KLHL1: variants seen among roughly 807,000 people sequenced by gnomAD.
KLHL1 encodes kelch-like protein 1.
A neutral mutation model predicts 77.7 loss-of-function variants in KLHL1; 47 were observed. That is an observed-to-expected ratio of 0.60 (90% CI 0.48 to 0.77). The LOEUF (loss-of-function observed/expected upper bound fraction) is 0.77. KLHL1 is among the 30% of genes least tolerant of loss of function. The probability of loss-of-function intolerance (pLI) is 0.00; values close to 1 mark genes in which losing one functional copy is unlikely to be tolerated. For missense variants in KLHL1, 925 were observed against 910.8 expected (o/e 1.02, Z -0.20); for synonymous variants, 360 against 325.2 (o/e 1.11, Z -1.15).
chr13:70,017,670 G>A (rs552909104), intron 1 of KLHL1, among the ~76,000 whole-genome samples: 1 of 152,314 alleles, frequency 6.6e-6, no homozygotes, highest in South Asian at 2.1e-4. Flanking sequence ...GACCGAAGGT[G>A]CATACACATA....
intron 7 of KLHL1, among the ~76,000 whole-genome samples, chr13:69,748,350 G>T (rs1003714009): frequency 1.1e-4 from 17 of 152,026 alleles, no homozygotes; most frequent in Admixed American, 1.1e-3. Context: ...GGAGGCCTCA[G>T]AATCATGGCA....
intron 1 of KLHL1, among the ~76,000 whole-genome samples, chr13:70,017,931 G>A (rs915345380): frequency 3.3e-5 from 5 of 152,094 alleles, no homozygotes; most frequent in Non-Finnish European, 5.9e-5. Flanking sequence ...ATTTAAATAA[G>A]AGTGTAATTT....
At chr13:70,028,820 T>C (rs1886019584) in intron 1 of KLHL1, among the ~76,000 whole-genome samples, 1 of 151,694 alleles carries the variant, frequency 6.6e-6, no homozygotes, top group Admixed American at 6.6e-5. Flanking sequence ...CTACAGAAAA[T>C]ACAAAAATTA....
intron 2 of KLHL1, among the ~76,000 whole-genome samples, chr13:69,974,397 CTAAA>C (rs1010439177): frequency 6.6e-6 from 1 of 151,132 alleles, no homozygotes; most frequent in African/African-American, 2.4e-5. Flanking sequence ...ATTTGCATAA[CTAAA>C]TAATTTAGAA....
At chr13:69,825,582 A>T (rs1038979432) in intron 6 of KLHL1, among the ~76,000 whole-genome samples, 11 of 152,204 alleles carry the variant, frequency 7.2e-5, no homozygotes, top group African/African-American at 2.7e-4. Flanking sequence ...ATGATAAATT[A>T]ATTTTATAGT....
chr13:70,063,935 A>C (rs1480718223), intron 1 of KLHL1, among the ~76,000 whole-genome samples: 1 of 152,052 alleles, frequency 6.6e-6, no homozygotes, highest in African/African-American at 2.4e-5. Flanking sequence ...AGTCATTTTT[A>C]AACTCTGCAG....
intron 5 of KLHL1, among the ~76,000 whole-genome samples, chr13:69,866,004 T>C (rs538738970): frequency 6.6e-6 from 1 of 152,264 alleles, no homozygotes; most frequent in African/African-American, 2.4e-5. Context: ...AAAAATTCCA[T>C]CTTTTATTTT....
At chr13:69,912,592 C>T (rs1244502340) in intron 4 of KLHL1, among the ~76,000 whole-genome samples, 3 of 151,940 alleles carry the variant, frequency 2.0e-5, no homozygotes, top group Non-Finnish European at 2.9e-5. Flanking sequence ...ACTGATTTCC[C>T]CACATTATTT....
chr13:69,874,590 G>A (rs1880699200), intron 5 of KLHL1, among the ~76,000 whole-genome samples: 1 of 152,024 alleles, frequency 6.6e-6, no homozygotes, highest in South Asian at 2.1e-4. Flanking sequence ...CTATATTAAT[G>A]TCATCATTTT....
chr13:69,924,216 T>G, intron 4 of KLHL1, among the ~76,000 whole-genome samples: 1 of 152,228 alleles, frequency 6.6e-6, no homozygotes, highest in East Asian at 1.9e-4. Flanking sequence ...GCAGACAGGC[T>G]TTTGTGTGGA....
At chr13:69,770,127 G>T (rs9572269) in intron 7 of KLHL1, among the ~76,000 whole-genome samples, 48,287 of 151,996 alleles carry the variant, frequency 0.32, 7,891 homozygotes, top group Non-Finnish European at 0.35. Flanking sequence ...CACCCCCTTG[G>T]GACTCCATGA....
chr13:69,886,982 T>G (rs1881244316), intron 4 of KLHL1, among the ~76,000 whole-genome samples: 1 of 152,070 alleles, frequency 6.6e-6, no homozygotes, highest in Non-Finnish European at 1.5e-5. Context: ...GAAAGATGAG[T>G]TCTTAGGAGG....
intron 1 of KLHL1, among the ~76,000 whole-genome samples, chr13:70,080,727 G>A (rs546167149): frequency 5.3e-5 from 8 of 152,042 alleles, no homozygotes; most frequent in Non-Finnish European, 8.8e-5. Flanking sequence ...CTCCCGAGTA[G>A]CTGGGACTAC....
intron 4 of KLHL1, among the ~76,000 whole-genome samples, chr13:69,887,736 T>C (rs1457383137): frequency 6.6e-6 from 1 of 152,192 alleles, no homozygotes; most frequent in African/African-American, 2.4e-5. Context: ...ACTGTCATAG[T>C]TCTAGCAACA....
chr13:70,066,589 T>A (rs1452440872), intron 1 of KLHL1, among the ~76,000 whole-genome samples: 2 of 152,230 alleles, frequency 1.3e-5, no homozygotes, highest in Non-Finnish European at 2.9e-5. Context: ...GGATTCATAG[T>A]CCTTCGTCGG....
rs760186265 is a variant in KLHL1 at position 69,782,542 on chromosome 13, GC to G, written c.1639+14195del. Among the ~76,000 whole-genome samples, 6 of 152,120 alleles carry G rather than the reference GC, an allele frequency of 3.9e-5. No homozygotes were observed. The East Asian group carries it at 5.8e-4, about 15-fold the overall frequency. ...CTGCACCTGGCTTGGAGGGTCCTAC[GC>G]CCACAGAGTCTCACTGATTGCTAGC... is the stretch of plus-strand genomic sequence containing the variant. On this transcript the variant is annotated intron_variant, in intron 7 of 10. Transcript: ENST00000377844.
chr13:69,946,173 C>T (rs73510184), intron 3 of KLHL1, among the ~76,000 whole-genome samples: 19,454 of 151,906 alleles, frequency 0.13, 1,936 homozygotes, highest in East Asian at 0.29. Flanking sequence ...TGCTTATGTA[C>T]TAGGTGGGGA....
At chr13:70,017,886 A>G (rs1885697850) in intron 1 of KLHL1, among the ~76,000 whole-genome samples, 1 of 152,202 alleles carries the variant, frequency 6.6e-6, no homozygotes, top group Non-Finnish European at 1.5e-5. Context: ...TGAGGGCACT[A>G]TCAAACAAGT....
At chr13:70,047,578 T>C (rs1886533530) in intron 1 of KLHL1, among the ~76,000 whole-genome samples, 2 of 152,176 alleles carry the variant, frequency 1.3e-5, no homozygotes, top group South Asian at 4.1e-4. Context: ...ACAGATTTCA[T>C]TGAAAAGATA....
Sources: allele counts gnomAD v4.1 joint callset (sites outside exome capture counted in the v4.1 genomes callset), GRCh38; gene constraint gnomAD v4.1.1; transcripts MANE v1.5; gene names NCBI Gene and HGNC (gene_info 2026-07-23, HGNC 2026-07-21).